SLC25A21: variants seen among roughly 807,000 people sequenced by gnomAD.
SLC25A21 encodes solute carrier family 25 member 21.
In SLC25A21, 47 loss-of-function variants were observed where a neutral mutation model predicts 43.8. The ratio of observed to expected loss-of-function variants is 1.07; its 90% CI spans 0.85 to 1.37. The LOEUF (loss-of-function observed/expected upper bound fraction) is 1.37. SLC25A21 is among the 40% of genes most tolerant of loss of function. The pLI is 0.00. For missense variants in SLC25A21, 352 were observed against 350.2 expected, an observed-to-expected ratio of 1.00 and a Z score of -0.04; for synonymous variants, 131 against 121.3, an observed-to-expected ratio of 1.08 and a Z score of -0.52.
In SLC25A21 at chr14:36,680,677, C is replaced by T; in HGVS notation, c.881G>A (p.Trp294Ter). 1.2e-6 allele frequency: 2 copies of T among 1,612,822 alleles called. No homozygotes were observed. The highest frequency in any genetic ancestry group is 1.1e-5 in the South Asian group (1 of 90,760). Residue 294 changes from tryptophan to a stop codon, truncating the protein, a stop_gained, in exon 10 of 10, where the codon TGG becomes TAG. Transcript: ENST00000331299. LOFTEE classifies it high-confidence loss of function. ...AGGCAATCACCAGTTCTCTTGAAGCCATGAATAGGTGTATTCATAAACCAG... is the reference window on the plus strand; with the variant it reads ...AGGCAATCACCAGTTCTCTTGAAGCTATGAATAGGTGTATTCATAAACCAG... The part of the protein sequence containing the change: ...MLLVYEYTYS[W>*]LQENW
intron 3 of SLC25A21, among the ~76,000 whole-genome samples, chr14:36,783,303 C>T (rs969937199): frequency 1.3e-5 from 2 of 151,896 alleles, no homozygotes; most frequent in African/African-American, 2.4e-5. Context: ...CACCAGTGGG[C>T]CAGTTGTAGG....
chr14:36,855,362 C>T (rs1391759191), intron 2 of SLC25A21, among the ~76,000 whole-genome samples: 1 of 152,090 alleles, frequency 6.6e-6, no homozygotes, highest in Non-Finnish European at 1.5e-5. Flanking sequence ...TGGGAGGCAG[C>T]CTCAGGGGTA....
At chr14:37,008,918 C>A (rs988328874) in intron 1 of SLC25A21, among the ~76,000 whole-genome samples, 3 of 152,088 alleles carry the variant, frequency 2.0e-5, no homozygotes, top group Admixed American at 1.3e-4. Context: ...TCCCAGCAAA[C>A]AATAATTTGA....
intron 2 of SLC25A21, among the ~76,000 whole-genome samples, chr14:36,862,385 T>C (rs957013214): frequency 9.9e-5 from 15 of 152,172 alleles, no homozygotes; most frequent in African/African-American, 3.6e-4. Flanking sequence ...ACAGACTGGA[T>C]TAAGCAAATG....
chr14:36,772,325 T>C (rs1244800431), intron 3 of SLC25A21, among the ~76,000 whole-genome samples: 2 of 152,186 alleles, frequency 1.3e-5, no homozygotes, highest in African/African-American at 2.4e-5. Context: ...GGCTAAATCC[T>C]GAGACATAAA....
chr14:36,866,091 C>T (rs1277492408), intron 2 of SLC25A21, among the ~76,000 whole-genome samples: 2 of 152,016 alleles, frequency 1.3e-5, no homozygotes, highest in Non-Finnish European at 2.9e-5. Context: ...TTCCCCAGCA[C>T]CACCAGAAAA....
At chr14:37,007,347 A>T (rs1960626705) in intron 1 of SLC25A21, among the ~76,000 whole-genome samples, 1 of 152,208 alleles carries the variant, frequency 6.6e-6, no homozygotes, top group South Asian at 2.1e-4. Flanking sequence ...TCACGCCTGT[A>T]ATCCCAGCAC....
At chr14:37,139,718 T>C (rs1049128672) in intron 1 of SLC25A21, among the ~76,000 whole-genome samples, 1 of 152,176 alleles carries the variant, frequency 6.6e-6, no homozygotes, top group Admixed American at 6.5e-5. Context: ...ATGTAGCTAA[T>C]TACAAAAGAC....
chr14:36,938,934 T>C lies in SLC25A21; in HGVS notation c.71-63930A>G, dbSNP rs113503791. Among the ~76,000 whole-genome samples the C allele has an allele frequency of 4.0e-3, 614 of 152,334 alleles. 6 individuals carry two copies. The highest frequency in any genetic ancestry group is 0.014 in the African/African-American group (582 of 41,580). On this transcript the variant is annotated intron_variant, in intron 1 of 9. Coordinates refer to ENST00000331299, the MANE Select transcript of SLC25A21 (RefSeq NM_030631.4). ...AATATATTCAGATTTAACTCTCTTA[T>C]GCTTACTCTTGTTCACTACTCTCAG...
chr14:37,063,495 C>T (rs550302526), intron 1 of SLC25A21, among the ~76,000 whole-genome samples: 6 of 151,902 alleles, frequency 3.9e-5, no homozygotes, highest in South Asian at 2.1e-4. Context: ...AGGGAGACTA[C>T]GTAAATCATG....
chr14:37,172,503 G>A lies in SLC25A21; in HGVS notation c.-153C>T, dbSNP rs1326821074. The A allele has an allele frequency of 1.2e-5, 10 of 830,612 alleles. No homozygotes were observed. Among genetic ancestry groups the A allele is most frequent in the Middle Eastern group, 2.2e-4 (1 of 4,634 alleles). 51.5% of individuals were successfully genotyped at this position (830,612 alleles called of 1,614,324 possible). On this transcript the variant is annotated 5_prime_UTR_variant, in exon 1 of 10. Coordinates refer to ENST00000331299, the MANE Select transcript of SLC25A21 (RefSeq NM_030631.4). ...CAATCCGGCGACTGCTGGAAAGCGA[G>A]GGTTCGAGGCGCAGATTCGTCGCGC...
chr14:36,792,535 C>T (rs1168446632), intron 3 of SLC25A21, among the ~76,000 whole-genome samples: 3 of 152,046 alleles, frequency 2.0e-5, no homozygotes, highest in Admixed American at 6.6e-5. Context: ...GATTGGTTTG[C>T]GATAGAGTTG....
chr14:36,806,194 G>A (rs1156809740), intron 3 of SLC25A21, among the ~76,000 whole-genome samples: 1 of 151,140 alleles, frequency 6.6e-6, no homozygotes, highest in Non-Finnish European at 1.5e-5. Flanking sequence ...CTCCAGCCTG[G>A]GTGAGAGAGC....
In SLC25A21 at chr14:37,060,423, A is replaced by AATAATG. The variant is rs1555344633; in HGVS notation, c.70+111857_70+111858insCATTAT. Among the ~76,000 whole-genome samples, 1,188 of 136,248 alleles carry AATAATG rather than the reference A, an allele frequency of 8.7e-3. 8 individuals carry two copies. Among genetic ancestry groups the AATAATG allele is most frequent in the Middle Eastern group, 0.029 (7 of 244 alleles). The allele number at this position is 136,248 out of a possible 152,430, so 89.4% of individuals were successfully genotyped here. The stretch of plus-strand genomic sequence containing the variant: ...TAATAATAATAATAATAATAATAAT[A>AATAATG]ATGATGTAACCCAAGAGAAGTAGGG... On this transcript the variant is annotated intron_variant, in intron 1 of 9. Transcript: ENST00000331299.
intron 2 of SLC25A21, among the ~76,000 whole-genome samples, chr14:36,855,426 A>C (rs1350379205): frequency 2.0e-5 from 3 of 152,178 alleles, no homozygotes; most frequent in Non-Finnish European, 4.4e-5. Flanking sequence ...GAGGATAGAC[A>C]CAGATGCAGA....
intron 3 of SLC25A21, among the ~76,000 whole-genome samples, chr14:36,746,363 TC>T (rs35650633): frequency 0.14 from 21,460 of 152,056 alleles, 1,840 homozygotes; most frequent in South Asian, 0.28. Context: ...TCAAAAAACT[TC>T]GTGTTCTCCT....
At chr14:37,071,421 T>G (rs1333372444) in intron 1 of SLC25A21, among the ~76,000 whole-genome samples, 1 of 152,182 alleles carries the variant, frequency 6.6e-6, no homozygotes, top group Non-Finnish European at 1.5e-5. Context: ...AATGAGTTTA[T>G]AGAAAAGAAG....
intron 3 of SLC25A21, chr14:36,788,917 T>A (rs1364477824): frequency 6.6e-6 from 1 of 152,194 alleles, no homozygotes; most frequent in Non-Finnish European, 1.5e-5. Context: ...ACGAGACTTG[T>A]CAAATTTACA....
chr14:36,918,718 C>T (rs1042114345), intron 1 of SLC25A21, among the ~76,000 whole-genome samples: 1 of 151,834 alleles, frequency 6.6e-6, no homozygotes. Context: ...AGAAACCAAC[C>T]CAACTATAAA....
Sources: allele counts gnomAD v4.1 joint callset (sites outside exome capture counted in the v4.1 genomes callset), GRCh38; gene constraint gnomAD v4.1.1; transcripts MANE v1.5; gene names NCBI Gene and HGNC (gene_info 2026-07-23, HGNC 2026-07-21).